MEGF9: variants seen among roughly 807,000 people sequenced by gnomAD.
MEGF9 encodes multiple EGF like domains 9, also known as multiple epidermal growth factor-like domains protein 9.
In MEGF9, 6 loss-of-function variants were observed where a neutral mutation model predicts 46.8. The observed-to-expected ratio is 0.13, with a 90% confidence interval of 0.07 to 0.25. MEGF9 has a LOEUF of 0.25. Ranked by LOEUF, MEGF9 falls within the 10% of genes least tolerant of loss-of-function variation. The pLI is 1.00. For synonymous variants in MEGF9, 302 were observed against 330.7 expected (o/e 0.91, Z 0.94); for missense variants, 683 against 792.4 (o/e 0.86, Z 1.66).
At chr9:120,632,338 T>G (rs1349995357) in intron 2 of MEGF9, among the ~76,000 whole-genome samples, 21 of 15,774 alleles carry the variant, frequency 1.3e-3, no homozygotes, top group Non-Finnish European at 2.8e-3. Context: ...TCCTAAGTGT[T>G]TTTTTTTTTT....
chr9:120,697,233 C>T (rs1354858014), intron 1 of MEGF9, among the ~76,000 whole-genome samples: 2 of 152,168 alleles, frequency 1.3e-5, no homozygotes, highest in East Asian at 1.9e-4. Context: ...CAGGCACAAG[C>T]CATTATACCC....
chr9:120,704,735 C>T (rs1467869082), intron 1 of MEGF9, among the ~76,000 whole-genome samples: 2 of 152,148 alleles, frequency 1.3e-5, no homozygotes, highest in Non-Finnish European at 2.9e-5. Context: ...AGGTCTTAGA[C>T]ATTCTAAGAG....
chr9:120,671,904 A>G (rs2043751056), intron 1 of MEGF9, among the ~76,000 whole-genome samples: 1 of 152,226 alleles, frequency 6.6e-6, no homozygotes, highest in African/African-American at 2.4e-5. Flanking sequence ...GAACCCAGCA[A>G]TATATAAAAA....
At chr9:120,713,053 A>G (rs574192242) in intron 1 of MEGF9, among the ~76,000 whole-genome samples, 1 of 152,352 alleles carries the variant, frequency 6.6e-6, no homozygotes, top group South Asian at 2.1e-4. Context: ...TTGGCCAAAC[A>G]TGTTGACCTT....
chr9:120,628,984 T>C (rs1156277637), intron 2 of MEGF9, among the ~76,000 whole-genome samples: 1 of 152,086 alleles, frequency 6.6e-6, no homozygotes, highest in East Asian at 1.9e-4. Context: ...TGTTTTGTTT[T>C]TTGTTTTTTG....
intron 3 of MEGF9, among the ~76,000 whole-genome samples, chr9:120,619,733 A>G (rs997867605): frequency 6.6e-6 from 1 of 152,222 alleles, no homozygotes; most frequent in Non-Finnish European, 1.5e-5. Context: ...AGATTCCTGG[A>G]AATAGAACTA....
chr9:120,684,354 T>G (rs946632482), intron 1 of MEGF9, among the ~76,000 whole-genome samples: 1 of 152,242 alleles, frequency 6.6e-6, no homozygotes, highest in African/African-American at 2.4e-5. Flanking sequence ...AGAAGTTTAA[T>G]AGATTTGCAG....
intron 3 of MEGF9, among the ~76,000 whole-genome samples, chr9:120,614,781 T>C (rs2043463819): frequency 6.7e-6 from 1 of 150,194 alleles, no homozygotes; most frequent in Admixed American, 6.6e-5. Flanking sequence ...AGCTTTAATA[T>C]AAAAAATACC....
Position 120,695,603 on chromosome 9 carries a change from C to CAAAAAAAAAAAAAA in MEGF9, c.601+18141_601+18154dup, listed in dbSNP as rs370281228. On this transcript the variant is annotated intron_variant, in intron 1 of 5. Coordinates refer to ENST00000373930, the MANE Select transcript of MEGF9 (RefSeq NM_001080497.3). ...TGGGTGACAGTGTGAGACCCCATCT[C>CAAAAAAAAAAAAAA]AAAAAAAAAAAAAAAAAAAAAAAAA... Among the ~76,000 whole-genome samples, 37 of 18,684 alleles carry CAAAAAAAAAAAAAA rather than the reference C, an allele frequency of 2.0e-3. 5 individuals are homozygous for CAAAAAAAAAAAAAA. The highest frequency in any genetic ancestry group is 4.1e-3 in the African/African-American group (34 of 8,266). 12.3% of individuals were successfully genotyped at this position (18,684 alleles called of 152,430 possible).
intron 2 of MEGF9, among the ~76,000 whole-genome samples, chr9:120,652,688 T>C (rs1232560470): frequency 6.6e-6 from 1 of 151,974 alleles, no homozygotes; most frequent in African/African-American, 2.4e-5. Flanking sequence ...AATAGTCATA[T>C]ATATTTATAG....
chr9:120,607,888 C>T lies in MEGF9; in HGVS notation c.1210G>A (p.Gly404Ser), dbSNP rs375289560. Reference protein sequence around the residue: ...DSICRKCQCHGHVDPVKTPKI... With the variant: ...DSICRKCQCHSHVDPVKTPKI... ...GGAGTTTTAACTGGGTCCACATGGC[C>T]GTGACATTGGCACTTTCTACAGATG... The change falls in exon 5 of 6, where the codon GGC (glycine) becomes AGC (serine). Residue 404 changes from glycine (G) to serine (S), a missense_variant. Around this residue, in one of 2 missense-constraint regions of MEGF9, gnomAD observed 313 missense variants for 421.1 expected, o/e 0.74. Transcript: ENST00000373930. 1.2e-4 allele frequency: 189 copies of T among 1,613,806 alleles called. No individual in the cohort carries two copies. Among genetic ancestry groups the T allele is most frequent in the Admixed American group, 4.5e-4 (27 of 59,994 alleles).
At chr9:120,666,555 A>G (rs968544975) in intron 1 of MEGF9, among the ~76,000 whole-genome samples, 10 of 152,322 alleles carry the variant, frequency 6.6e-5, no homozygotes, top group Admixed American at 5.2e-4. Context: ...GTTAAGTACA[A>G]AATAGTAGAG....
chr9:120,631,815 T>C lies in MEGF9; in HGVS notation c.804-9060A>G, dbSNP rs550096071. ...TTTTCTATTTCTGTGAAGAATGCCA[T>C]AGATATTTTGATAGGGATAGCATTA... On this transcript the variant is annotated intron_variant, in intron 2 of 5. Transcript: ENST00000373930. 3.2e-4 allele frequency among the ~76,000 whole-genome samples: 48 copies of C among 152,294 alleles called. 1 individual carries two copies. In the South Asian group the frequency reaches 8.9e-3, roughly 28 times the overall value.
At chr9:120,665,599 T>G (rs1488948477) in intron 1 of MEGF9, among the ~76,000 whole-genome samples, 1 of 152,196 alleles carries the variant, frequency 6.6e-6, no homozygotes, top group Non-Finnish European at 1.5e-5. Context: ...CTTATTTTAC[T>G]TAACATAACC....
chr9:120,714,044 A>G lies in MEGF9; in HGVS notation c.315T>C (p.Leu105=). ...SPAQSPETTP[L]WATAGPSSTT... is the part of the protein sequence containing the mutation. ...TGGAAGAGGGTCCAGCAGTCGCCCAAAGAGGGGTGGTCTCCGGGGACTGGG... is the reference window on the plus strand; with the variant it reads ...TGGAAGAGGGTCCAGCAGTCGCCCAGAGAGGGGTGGTCTCCGGGGACTGGG... Residue 105 remains leucine (L), a synonymous_variant, in exon 1 of 6, where the codon CTT becomes CTC. Transcript: ENST00000373930. The G allele has an allele frequency of 1.5e-6, 2 of 1,314,986 alleles. No individual in the cohort carries two copies. The highest frequency in any genetic ancestry group is 2.4e-5 in the South Asian group (1 of 42,196). The allele number at this position is 1,314,986 out of a possible 1,614,324, so 81.5% of individuals were successfully genotyped here. A position where few individuals can be genotyped will look rare whatever the true frequency, so the allele number is the denominator to read the frequency against.
chr9:120,671,785 C>A (rs1404773088), intron 1 of MEGF9, among the ~76,000 whole-genome samples: 1 of 152,174 alleles, frequency 6.6e-6, no homozygotes, highest in Non-Finnish European at 1.5e-5. Context: ...ATTTTGACAT[C>A]AAAACCAGAT....
At chr9:120,643,739 C>CT (rs2043614211) in intron 2 of MEGF9, among the ~76,000 whole-genome samples, 1 of 149,490 alleles carries the variant, frequency 6.7e-6, no homozygotes, top group Non-Finnish European at 1.5e-5. Context: ...GGATCTAGCT[C>CT]TGTTGCCCAG....
At position 120,656,810 on chromosome 9, in the gene MEGF9, T is replaced by A. The variant is rs115487575; in HGVS notation, c.803+2564A>T. 3.3e-3 allele frequency among the ~76,000 whole-genome samples: 497 copies of A among 152,080 alleles called. 2 individuals carry two copies. The highest frequency in any genetic ancestry group is 0.011 in the African/African-American group (470 of 41,500). On this transcript the variant is annotated intron_variant, in intron 2 of 5. Coordinates refer to ENST00000373930, the MANE Select transcript of MEGF9 (RefSeq NM_001080497.3). ...ACACTTAAAAGAATTCAGCCAGGCA[T>A]GGTGGCTCATGCCTATAATCCCAGC...
At chr9:120,683,959 C>G (rs1477696581) in intron 1 of MEGF9, among the ~76,000 whole-genome samples, 1 of 151,714 alleles carries the variant, frequency 6.6e-6, no homozygotes, top group Non-Finnish European at 1.5e-5. Context: ...AAATAAAATC[C>G]AGGTATAAAT....
Sources: allele counts gnomAD v4.1 joint callset (sites outside exome capture counted in the v4.1 genomes callset), GRCh38; gene constraint gnomAD v4.1.1; regional missense constraint gnomAD v4.1.1; transcripts MANE v1.5; gene names NCBI Gene and HGNC (gene_info 2026-07-23, HGNC 2026-07-21).